CDON: variants seen among roughly 807,000 people sequenced by gnomAD.
CDON encodes cell adhesion associated, oncogene regulated, also known as cell adhesion molecule-related/down-regulated by oncogenes.
A neutral mutation model predicts 120.9 loss-of-function variants in CDON; 73 were observed. The observed-to-expected ratio is 0.60, with a 90% CI of 0.50 to 0.73. The LOEUF (loss-of-function observed/expected upper bound fraction) is 0.73, where lower values mean the gene tolerates loss of function less well. Among genes scored for constraint, CDON ranks in the 30% least tolerant of loss-of-function variants. The pLI, the probability that CDON is intolerant of heterozygous loss-of-function variation, is 0.00. For synonymous variants in CDON, 566 were observed against 573.5 expected, an observed-to-expected ratio of 0.99 and a Z score of 0.19; for missense variants, 1,470 against 1,587.3, an observed-to-expected ratio of 0.93 and a Z score of 1.26.
At chr11:126,018,590 T>C in intron 4 of CDON, 117 bp from the exon 5 acceptor site, 1 of 906,402 alleles carries the variant, frequency 1.1e-6, no homozygotes, top group Non-Finnish European at 1.8e-6. Context: ...ATTTTAGAGA[T>C]GGGGGTCTCA....
intron 18 of CDON, among the ~76,000 whole-genome samples, chr11:125,964,950 G>A (rs1945751212): frequency 6.6e-6 from 1 of 152,150 alleles, no homozygotes; most frequent in Non-Finnish European, 1.5e-5. Flanking sequence ...TTTTTGAGAA[G>A]GAGTCTCGCT....
intron 16 of CDON, among the ~76,000 whole-genome samples, chr11:125,981,965 AT>A (rs1591562448): frequency 2.9e-5 from 1 of 34,428 alleles, no homozygotes; most frequent in African/African-American, 8.2e-5. Flanking sequence ...AAGTGATTCT[AT>A]TTTCTTTTTT....
intron 18 of CDON, among the ~76,000 whole-genome samples, chr11:125,965,540 A>C (rs923816583): frequency 6.6e-6 from 1 of 152,180 alleles, no homozygotes; most frequent in African/African-American, 2.4e-5. Flanking sequence ...TGGCTGTTTC[A>C]TGGCACTGGG....
intron 17 of CDON, 91 bp from the exon 18 acceptor site, chr11:125,978,474 T>C (rs1591557906): frequency 2.5e-6 from 2 of 806,172 alleles, no homozygotes; most frequent in South Asian, 1.4e-5. Context: ...CAAATACACA[T>C]GAGCCATGTC....
At chr11:126,043,032 G>A (rs1041465396) in intron 1 of CDON, among the ~76,000 whole-genome samples, 8 of 152,228 alleles carry the variant, frequency 5.3e-5, no homozygotes, top group Admixed American at 2.0e-4. Context: ...CCTAACTTTC[G>A]ACACCTAAGT....
At chr11:125,997,760 C>T (rs73019401) in intron 11 of CDON, among the ~76,000 whole-genome samples, 69,427 of 151,976 alleles carry the variant, frequency 0.46, 16,020 homozygotes, top group Non-Finnish European at 0.49. Context: ...TATAATAAAT[C>T]TTCATAATTA....
intron 5 of CDON, 88 bp downstream of exon 5, chr11:126,018,242 G>T: frequency 7.4e-7 from 1 of 1,353,860 alleles, no homozygotes. Flanking sequence ...TAAACAAACA[G>T]GATTTGAAAA....
intron 18 of CDON, among the ~76,000 whole-genome samples, chr11:125,975,441 G>GTAATAGTATC (rs58052835): frequency 6.6e-6 from 1 of 151,814 alleles, no homozygotes. Context: ...CTATTATTAA[G>GTAATAGTATC]TAATAGGACT....
At chr11:125,994,522 AT>A in intron 13 of CDON, 133 bp from the exon 14 acceptor site, 1 of 678,682 alleles carries the variant, frequency 1.5e-6, no homozygotes, top group Non-Finnish European at 2.6e-6. Context: ...GCCATTTTTA[AT>A]TTACTTCAAA....
At chr11:126,058,238 T>C (rs1274168441) in intron 1 of CDON, among the ~76,000 whole-genome samples, 2 of 152,224 alleles carry the variant, frequency 1.3e-5, no homozygotes, top group Non-Finnish European at 1.5e-5. Context: ...CAGTGGCTCT[T>C]AAGCACTGGA....
At chr11:125,997,131 C>A (rs935666350) in intron 12 of CDON, 76 bp downstream of exon 12, 6 of 1,179,530 alleles carry the variant, frequency 5.1e-6, no homozygotes, top group Non-Finnish European at 7.5e-6. Flanking sequence ...CAGAGTGAGA[C>A]CCTGTCTCAA....
chr11:125,997,438 ACCC>A, intron 11 of CDON, 28 bp from the exon 12 acceptor site: 2 of 1,487,796 alleles, frequency 1.3e-6, no homozygotes, highest in Non-Finnish European at 1.9e-6. Flanking sequence ...CATTTCAATA[ACCC>A]ACCATGTCAG....
At chr11:126,055,605 G>T (rs1948662344) in intron 1 of CDON, among the ~76,000 whole-genome samples, 1 of 152,126 alleles carries the variant, frequency 6.6e-6, no homozygotes, top group South Asian at 2.1e-4. Context: ...TCCTATATGA[G>T]TTATTTATCT....
intron 12 of CDON, among the ~76,000 whole-genome samples, chr11:125,995,442 GTTC>G (rs1419656308): frequency 6.6e-6 from 1 of 152,134 alleles, no homozygotes; most frequent in African/African-American, 2.4e-5. Context: ...CCAAAACTAG[GTTC>G]TTTTCACTTT....
chr11:125,971,878 G>A (rs1946009623), intron 18 of CDON, among the ~76,000 whole-genome samples: 1 of 152,196 alleles, frequency 6.6e-6, no homozygotes, highest in Admixed American at 6.5e-5. Context: ...CATTAAACTA[G>A]CCAAGCAACT....
At chr11:126,045,714 T>TAATC (rs934610981) in intron 1 of CDON, among the ~76,000 whole-genome samples, 2 of 152,218 alleles carry the variant, frequency 1.3e-5, no homozygotes, top group African/African-American at 4.8e-5. Flanking sequence ...CTCACCCCTG[T>TAATC]AATCCCAGCA....
In CDON at chr11:126,021,453, C is replaced by A. The variant is rs749299624; in HGVS notation, c.144G>T (p.Leu48=). 9 of 1,613,866 alleles carry A rather than the reference C, an allele frequency of 5.6e-6. No homozygotes were observed. The highest frequency in any genetic ancestry group is 6.8e-6 in the Non-Finnish European group (8 of 1,179,918). Residue 48 remains leucine, a synonymous_variant, in exon 3 of 20, where the codon CTG becomes CTT. Coordinates refer to ENST00000531738, the MANE Select transcript of CDON (RefSeq NM_001378964.1). ...TGGTCACAGGTTGAGCAGAACAATG[C>A]AGTACTACAGGTCCACCAAGTTTCT... ...AVQKLGGPVV[L]HCSAQPVTTR...
Position 125,974,358 on chromosome 11 carries a change from TAGGTAGGTAGGA to T in CDON, c.3356+3934_3356+3945del, listed in dbSNP as rs777855886. ...AAACATTTGTAGGTAGGTAGGTAGGTAGGTAGGTAGGAAGGAAGGAAGGAAGGAAGGAAGGGA... is the reference window on the plus strand; with the variant it reads ...AAACATTTGTAGGTAGGTAGGTAGGTAGGAAGGAAGGAAGGAAGGAAGGGA... On this transcript the variant is annotated intron_variant, in intron 18 of 19. Coordinates refer to ENST00000531738, the MANE Select transcript of CDON (RefSeq NM_001378964.1). Among the ~76,000 whole-genome samples the T allele has an allele frequency of 4.9e-3, 308 of 63,468 alleles. 4 individuals are homozygous for T. The highest frequency in any genetic ancestry group is 0.01 in the African/African-American group (168 of 16,096). The allele number at this position is 63,468 out of a possible 152,430, so 41.6% of individuals were successfully genotyped here.
At chr11:125,982,897 C>T (rs1200933575) in intron 16 of CDON, among the ~76,000 whole-genome samples, 5 of 152,176 alleles carry the variant, frequency 3.3e-5, no homozygotes, top group South Asian at 4.1e-4. Context: ...CGCACTCACA[C>T]AATTAAAGGC....
Sources: gnomAD v4.1 joint callset for allele counts (sites outside exome capture counted in the v4.1 genomes callset) on GRCh38, gnomAD v4.1.1 for gene constraint, MANE v1.5 for transcripts, NCBI Gene and HGNC (gene_info 2026-07-23, HGNC 2026-07-21) for gene names.